The following TPRG1 variants were observed in gnomAD, a reference collection of about 807,000 sequenced individuals.
TPRG1 encodes the protein tumor protein p63-regulated gene 1 protein.
In TPRG1, 29 loss-of-function variants were observed where a neutral mutation model predicts 29.3. The ratio of observed to expected loss-of-function variants is 0.99; its 90% CI spans 0.74 to 1.35. The LOEUF is 1.35. TPRG1 is among the 40% of genes most tolerant of loss of function. TPRG1 has a pLI of 0.00. For missense variants in TPRG1, 327 were observed against 335.0 expected, an observed-to-expected ratio of 0.98 and a Z score of 0.19; for synonymous variants, 130 against 116.8, an observed-to-expected ratio of 1.11 and a Z score of -0.73.
intron 4 of TPRG1, among the ~76,000 whole-genome samples, chr3:189,302,203 G>A (rs866852035): frequency 6.6e-6 from 1 of 152,150 alleles, no homozygotes; most frequent in South Asian, 2.1e-4. Flanking sequence ...CTGAGTTTAT[G>A]GAAGGCTTGT....
chr3:189,310,325 T>C (rs868091488), intron 4 of TPRG1, 61 bp from the exon 5 acceptor site: 1 of 1,422,820 alleles, frequency 7.0e-7, no homozygotes, highest in South Asian at 1.5e-5. Flanking sequence ...TGTATTACAT[T>C]CTATTTTTTT....
At chr3:189,162,877 A>G (rs1424861460) in intron 5 of TPRG1, among the ~76,000 whole-genome samples, 1 of 152,236 alleles carries the variant, frequency 6.6e-6, no homozygotes, top group African/African-American at 2.4e-5. Flanking sequence ...TAACTGATTA[A>G]TATTTGTAAG....
At chr3:189,052,409 G>A (rs1266528969) in intron 4 of TPRG1, among the ~76,000 whole-genome samples, 2 of 152,070 alleles carry the variant, frequency 1.3e-5, no homozygotes, top group African/African-American at 4.8e-5. Flanking sequence ...TTACTCCTGC[G>A]AGAATGGCCA....
intron 4 of TPRG1, among the ~76,000 whole-genome samples, chr3:189,250,040 A>G (rs1741917373): frequency 6.6e-6 from 1 of 152,152 alleles, no homozygotes; most frequent in Non-Finnish European, 1.5e-5. Context: ...TAGTTTTACC[A>G]AAGAAACTCT....
At chr3:189,173,560 T>C (rs1176980158) in intron 1 of TPRG1, among the ~76,000 whole-genome samples, 1 of 151,842 alleles carries the variant, frequency 6.6e-6, no homozygotes, top group Non-Finnish European at 1.5e-5. Context: ...GGCTGGAACT[T>C]CTATATATTC....
At chr3:189,055,122 A>G (rs543534687) in intron 4 of TPRG1, among the ~76,000 whole-genome samples, 12 of 152,330 alleles carry the variant, frequency 7.9e-5, no homozygotes, top group African/African-American at 2.6e-4. Context: ...AGTTTTGTCT[A>G]TGAACACTTA....
Position 189,072,414 on chromosome 3 carries a change from C to A in TPRG1, c.-463+48468C>A, listed in dbSNP as rs527871073. 5.3e-5 allele frequency among the ~76,000 whole-genome samples: 8 copies of A among 152,156 alleles called. No individual in the cohort carries two copies. The South Asian group carries it at 1.7e-3, about 32-fold the overall frequency. On this transcript the variant is annotated intron_variant, in intron 4 of 10. Coordinates refer to the TPRG1 transcript ENST00000433971. ...TTATATTATTGATAATTTTGAAAAACAAAGCTCAGATATTTTGACTATTGT... is the reference window on the plus strand; with the variant it reads ...TTATATTATTGATAATTTTGAAAAAAAAAGCTCAGATATTTTGACTATTGT...
intron 4 of TPRG1, among the ~76,000 whole-genome samples, chr3:189,247,485 G>T (rs190626300): frequency 6.6e-6 from 1 of 150,944 alleles, no homozygotes; most frequent in East Asian, 2.0e-4. Flanking sequence ...TCTTGAGAGT[G>T]GTTCATATTT....
chr3:189,156,666 G>A (rs1726728716), intron 5 of TPRG1, among the ~76,000 whole-genome samples: 1 of 152,174 alleles, frequency 6.6e-6, no homozygotes, highest in Non-Finnish European at 1.5e-5. Context: ...AGCTTAGCTG[G>A]TCAGATGAGT....
At chr3:189,310,691 A>G (rs1722346253) in intron 5 of TPRG1, 152 bp downstream of exon 5, 2 of 410,152 alleles carry the variant, frequency 4.9e-6, no homozygotes, top group Non-Finnish European at 3.9e-6. Context: ...ATAGACAAAA[A>G]CGGTAATAGG....
At chr3:189,309,158 C>T (rs2109307110) in intron 4 of TPRG1, among the ~76,000 whole-genome samples, 1 of 147,316 alleles carries the variant, frequency 6.8e-6, no homozygotes. Context: ...CATCAAAAAT[C>T]TGATAACTGG....
intron 4 of TPRG1, among the ~76,000 whole-genome samples, chr3:189,301,149 A>G (rs373720963): frequency 1.3e-5 from 2 of 151,870 alleles, no homozygotes; most frequent in East Asian, 1.9e-4. Flanking sequence ...TACAAAAAAA[A>G]TTAGCCAGAC....
At chr3:189,311,576 C>T (rs1232411048) in intron 5 of TPRG1, among the ~76,000 whole-genome samples, 1 of 152,088 alleles carries the variant, frequency 6.6e-6, no homozygotes, top group Non-Finnish European at 1.5e-5. Context: ...AGTCTTCATT[C>T]CCCCATAATA....
At chr3:189,079,930 A>G (rs1717474270) in intron 4 of TPRG1, among the ~76,000 whole-genome samples, 1 of 152,224 alleles carries the variant, frequency 6.6e-6, no homozygotes. Flanking sequence ...TGCCATCAAG[A>G]TAATAAATGC....
At chr3:189,002,540 C>T (rs1712082081) in intron 2 of TPRG1, among the ~76,000 whole-genome samples, 1 of 152,056 alleles carries the variant, frequency 6.6e-6, no homozygotes, top group Non-Finnish European at 1.5e-5. Context: ...TGGACAGATT[C>T]CATATAGCGT....
intron 1 of TPRG1, among the ~76,000 whole-genome samples, chr3:189,196,802 G>T (rs1560538637): frequency 1.3e-5 from 2 of 152,190 alleles, no homozygotes; most frequent in Admixed American, 1.3e-4. Flanking sequence ...GTTCAATAAA[G>T]TGTTTATTAA....
chr3:189,221,731 C>T (rs570279302), intron 3 of TPRG1, among the ~76,000 whole-genome samples: 1 of 152,272 alleles, frequency 6.6e-6, no homozygotes, highest in South Asian at 2.1e-4. Context: ...TATCCTGGTC[C>T]CCAAAGTGAC....
At chr3:189,193,536 T>G (rs1297969430) in intron 1 of TPRG1, among the ~76,000 whole-genome samples, 1 of 152,104 alleles carries the variant, frequency 6.6e-6, no homozygotes, top group African/African-American at 2.4e-5. Flanking sequence ...TTTCTGGAAC[T>G]TCCATGATAC....
intron 5 of TPRG1, among the ~76,000 whole-genome samples, chr3:189,312,012 T>A (rs1344364803): frequency 1.3e-5 from 2 of 152,112 alleles, no homozygotes; most frequent in Non-Finnish European, 2.9e-5. Context: ...TAATAACACA[T>A]TAATGCATTG....
Sources: allele counts gnomAD v4.1 joint callset (sites outside exome capture counted in the v4.1 genomes callset), GRCh38; gene constraint gnomAD v4.1.1; transcripts MANE v1.5; gene names NCBI Gene and HGNC (gene_info 2026-07-23, HGNC 2026-07-21).